The following CBFA2T2 variants were observed in gnomAD, a reference collection of about 807,000 sequenced individuals.
CBFA2T2 encodes CBFA2/RUNX1 partner transcriptional co-repressor 2.
In CBFA2T2, 11 loss-of-function variants were observed where a neutral mutation model predicts 62.2. The observed-to-expected ratio is 0.18, with a 90% CI of 0.11 to 0.29. The LOEUF (loss-of-function observed/expected upper bound fraction) is 0.29, where lower values mean the gene tolerates loss of function less well. Ranked by LOEUF, CBFA2T2 falls within the 10% of genes least tolerant of loss-of-function variation. CBFA2T2 has a pLI of 1.00. For missense variants in CBFA2T2, 592 were observed against 774.1 expected, an observed-to-expected ratio of 0.76 and a Z score of 2.79; for synonymous variants, 295 against 287.5, an observed-to-expected ratio of 1.03 and a Z score of -0.27.
intron 1 of CBFA2T2, among the ~76,000 whole-genome samples, chr20:33,594,473 G>A (rs2014801627): frequency 6.6e-6 from 1 of 152,010 alleles, no homozygotes; most frequent in Non-Finnish European, 1.5e-5. Context: ...TCCTGCCTCG[G>A]CCTCCCAAAG....
chr20:33,490,126 G>A lies in CBFA2T2; in HGVS notation c.-142G>A, dbSNP rs568873684. On this transcript the variant is annotated 5_prime_UTR_variant, in exon 1 of 11. Coordinates refer to ENST00000342704, the MANE Select transcript of CBFA2T2 (RefSeq NM_001032999.3). ...CGGCGGCGACGGCGACAGCAGCGGTGGTGGTGTCTGGTTAGCTCGGCGGCT... is the reference window on the plus strand; with the variant it reads ...CGGCGGCGACGGCGACAGCAGCGGTAGTGGTGTCTGGTTAGCTCGGCGGCT... The A allele has an allele frequency of 3.3e-3, 2,735 of 817,834 alleles. 8 individuals carry two copies. Among genetic ancestry groups the A allele is most frequent in the Admixed American group, 5.2e-3 (106 of 20,430 alleles). The allele number at this position is 817,834 out of a possible 1,614,324, so 50.7% of individuals were successfully genotyped here.
chr20:33,550,226 G>A (rs373638774), intron 1 of CBFA2T2, among the ~76,000 whole-genome samples: 18 of 151,896 alleles, frequency 1.2e-4, no homozygotes, highest in African/African-American at 4.4e-4. Flanking sequence ...CCAGTTCAGG[G>A]GCAATAATTT....
rs761665230 is a variant in CBFA2T2 at position 33,611,221 on chromosome 20, T to C, written c.306T>C (p.Cys102=). Residue 102 remains cysteine, a synonymous_variant, in exon 3 of 11, where the codon TGT becomes TGC. Transcript: ENST00000342704. Reference sequence around the variant, plus strand: ...CAAATCAGCAATTGCCAGCCACTTGTGGTGCTCGACAACTCAGCAAGTTGA... The same window carrying C: ...CAAATCAGCAATTGCCAGCCACTTGCGGTGCTCGACAACTCAGCAAGTTGA... ...ALTNQQLPAT[C]GARQLSKLKR... The C allele has an allele frequency of 6.2e-7, 1 of 1,614,184 alleles. No homozygotes were observed. The highest frequency in any genetic ancestry group is 1.1e-5 in the South Asian group (1 of 91,076).
intron 1 of CBFA2T2, among the ~76,000 whole-genome samples, chr20:33,600,752 CT>C (rs2015099403): frequency 6.6e-6 from 1 of 152,116 alleles, no homozygotes; most frequent in Non-Finnish European, 1.5e-5. Flanking sequence ...TTTCCCAGTA[CT>C]GTATGTCTGT....
intron 1 of CBFA2T2, among the ~76,000 whole-genome samples, chr20:33,506,529 G>A (rs2011407011): frequency 5.9e-5 from 9 of 152,188 alleles, no homozygotes; most frequent in Admixed American, 5.9e-4. Context: ...GGCTGCCAAG[G>A]TAGGTAAGAT....
intron 9 of CBFA2T2, 28 bp from the exon 10 acceptor site, chr20:33,640,313 A>G (rs779461633): frequency 2.9e-5 from 46 of 1,598,468 alleles, no homozygotes; most frequent in Non-Finnish European, 3.3e-5. Context: ...TTTCTCGGCC[A>G]GTTGATTTTA....
chr20:33,569,501 A>T (rs891456433), intron 1 of CBFA2T2, among the ~76,000 whole-genome samples: 1 of 152,206 alleles, frequency 6.6e-6, no homozygotes, highest in African/African-American at 2.4e-5. Flanking sequence ...CAAACAGGTA[A>T]TAAGTTCTCA....
rs539246009 is a variant in CBFA2T2, at chr20:33,577,549, G to A, written c.35-29407G>A. On this transcript the variant is annotated intron_variant, in intron 1 of 10. Transcript: ENST00000342704. ...CTTCAGCTGTAGACTGTGTATTTAC[G>A]TTCATATATTTGTGAAGAAAGACAG... 4.6e-5 allele frequency among the ~76,000 whole-genome samples: 7 copies of A among 152,210 alleles called. No individual in the cohort carries two copies. The South Asian group carries it at 8.3e-4, about 18-fold the overall frequency.
At chr20:33,550,402 T>C (rs1455745138) in intron 1 of CBFA2T2, among the ~76,000 whole-genome samples, 1 of 152,210 alleles carries the variant, frequency 6.6e-6, no homozygotes, top group Non-Finnish European at 1.5e-5. Flanking sequence ...TTTAATTAAA[T>C]GGAGGGATTG....
chr20:33,506,042 A>C (rs1202791906), intron 1 of CBFA2T2, among the ~76,000 whole-genome samples: 1 of 152,156 alleles, frequency 6.6e-6, no homozygotes, highest in Non-Finnish European at 1.5e-5. Flanking sequence ...GTGAGCTGAA[A>C]TCGTGCCACT....
chr20:33,490,228 G>T lies in CBFA2T2; in HGVS notation c.-40G>T. 1.6e-6 allele frequency: 2 copies of T among 1,223,052 alleles called. No individual in the cohort carries two copies. Among genetic ancestry groups the T allele is most frequent in the Non-Finnish European group, 2.0e-6 (2 of 981,950 alleles). The allele number at this position is 1,223,052 out of a possible 1,614,324, so 75.8% of individuals were successfully genotyped here. A position where few individuals can be genotyped will look rare whatever the true frequency, so the allele number is the denominator to read the frequency against. ...GCGGCGCCTGCGAGGGACCCGTGTC[G>T]CGGGTAGAGGCGGGCGGCGCGCGGC... On this transcript the variant is annotated 5_prime_UTR_variant, in exon 1 of 11. Transcript: ENST00000342704.
intron 1 of CBFA2T2, among the ~76,000 whole-genome samples, chr20:33,586,173 G>GT (rs1000186100): frequency 6.6e-6 from 1 of 152,046 alleles, no homozygotes; most frequent in African/African-American, 2.4e-5. Context: ...TTTCTTGTTT[G>GT]TTTTTTTGTT....
At chr20:33,502,665 A>AGTGCT (rs1460106306) in intron 1 of CBFA2T2, among the ~76,000 whole-genome samples, 1 of 151,040 alleles carries the variant, frequency 6.6e-6, no homozygotes, top group Non-Finnish European at 1.5e-5. Flanking sequence ...GACCTCCCAA[A>AGTGCT]GTGCTGGGAT....
chr20:33,586,666 ACTT>A (rs2014384030), intron 1 of CBFA2T2, among the ~76,000 whole-genome samples: 1 of 152,224 alleles, frequency 6.6e-6, no homozygotes, highest in African/African-American at 2.4e-5. Context: ...AATCAAAAAT[ACTT>A]CTTGGTTAAA....
chr20:33,579,153 G>T (rs906470746), intron 1 of CBFA2T2, among the ~76,000 whole-genome samples: 4 of 144,016 alleles, frequency 2.8e-5, no homozygotes, highest in Admixed American at 2.3e-4. Context: ...TCCTTCTGTC[G>T]CCCAGGCTGG....
At chr20:33,642,231 T>C (rs1843640734) in intron 10 of CBFA2T2, among the ~76,000 whole-genome samples, 1 of 151,610 alleles carries the variant, frequency 6.6e-6, no homozygotes, top group African/African-American at 2.4e-5. Context: ...ATATATACTC[T>C]TGCTTCTGCC....
intron 1 of CBFA2T2, among the ~76,000 whole-genome samples, chr20:33,549,079 G>A (rs752362935): frequency 1.3e-5 from 2 of 152,154 alleles, no homozygotes; most frequent in Non-Finnish European, 2.9e-5. Context: ...ACATATAGGT[G>A]CATATTCTTA....
Position 33,636,665 on chromosome 20 carries a change from G to A in CBFA2T2, c.1254G>A (p.Arg418=), listed in dbSNP as rs2016644460. ...SNDSQREFNS[R]PGTGYVPVEF... is the part of the protein sequence containing the mutation. ...ATTCTCAGAGAGAGTTCAACAGCAG[G>A]CCAGGTACAGGATACGTACCTGTGG... The change falls in exon 9 of 11, where the codon AGG becomes AGA. Residue 418 remains arginine, a synonymous_variant. Transcript: ENST00000342704. The A allele has an allele frequency of 6.2e-7, 1 of 1,613,644 alleles. No homozygotes were observed. Among genetic ancestry groups the A allele is most frequent in the Non-Finnish European group, 8.5e-7 (1 of 1,179,728 alleles).
chr20:33,494,269 ATATATTTTTTTTTT>A (rs1423924928), intron 1 of CBFA2T2, among the ~76,000 whole-genome samples: 44 of 30,750 alleles, frequency 1.4e-3, no homozygotes, highest in Non-Finnish European at 2.1e-3. Flanking sequence ...ATATATATAT[ATATATTTTTTTTTT>A]TTTTTTTTTT....
Sources: gnomAD v4.1 joint callset for allele counts (sites outside exome capture counted in the v4.1 genomes callset) on GRCh38, gnomAD v4.1.1 for gene constraint, MANE v1.5 for transcripts, NCBI Gene and HGNC (gene_info 2026-07-23, HGNC 2026-07-21) for gene names.